Variants in SLC37A1 observed in about 807,000 individuals in gnomAD.
The protein encoded by SLC37A1 is glucose-6-phosphate exchanger SLC37A1.
SLC37A1 carries 49 observed loss-of-function variants against 75.3 expected under a neutral mutation model. That is an observed-to-expected ratio of 0.65 (90% CI 0.52 to 0.83). The LOEUF (loss-of-function observed/expected upper bound fraction) is 0.83. Among genes scored for constraint, SLC37A1 ranks in the 40% least tolerant of loss-of-function variants. The probability of loss-of-function intolerance (pLI) is 0.00; values close to 1 mark genes in which losing one functional copy is unlikely to be tolerated. For missense variants in SLC37A1, 566 were observed against 695.0 expected (o/e 0.81, Z 2.09); for synonymous variants, 268 against 292.1 (o/e 0.92, Z 0.84).
At position 42,547,081 on chromosome 21, in the gene SLC37A1, TCA is replaced by T; in HGVS notation, c.731-20_731-19del. On this transcript the variant is annotated intron_variant, in intron 8 of 19. Coordinates refer to ENST00000352133, the MANE Select transcript of SLC37A1 (RefSeq NM_001320537.2). This position sits in a 1 kb window ranked among gnomAD's most constrained non-coding sequence, Gnocchi z 6.1. ...GCCATGGTGGTGGACCTGCTCAGCC[TCA>T]CTCATGTTTGCTCTTTCAGATCCGA... The T allele has an allele frequency of 6.2e-7, 1 of 1,614,186 alleles. No homozygotes were observed. The highest frequency in any genetic ancestry group is 8.5e-7 in the Non-Finnish European group (1 of 1,180,004).
At chr21:42,532,185 C>T (rs368693101) in intron 3 of SLC37A1, among the ~76,000 whole-genome samples, 1 of 152,098 alleles carries the variant, frequency 6.6e-6, no homozygotes, top group South Asian at 2.1e-4. Flanking sequence ...ATGTGAGACC[C>T]CCACTCATTA....
intron 5 of SLC37A1, 37 bp from the exon 6 acceptor site, chr21:42,539,475 T>C (rs770962409): frequency 1.3e-6 from 2 of 1,586,722 alleles, no homozygotes; most frequent in South Asian, 2.3e-5. Flanking sequence ...CGGGCGTGTT[T>C]GTTATTCCTA....
chr21:42,529,750 G>T (rs2054897274), intron 3 of SLC37A1, among the ~76,000 whole-genome samples: 1 of 152,182 alleles, frequency 6.6e-6, no homozygotes, highest in South Asian at 2.1e-4. Flanking sequence ...AATGGTGTTC[G>T]AGTCTGCCGG....
chr21:42,569,492 C>T (rs1417887509), intron 17 of SLC37A1, among the ~76,000 whole-genome samples: 1 of 11,826 alleles, frequency 8.5e-5, no homozygotes, highest in Non-Finnish European at 2.1e-4. Context: ...GACCTCGTGC[C>T]GCACTCCCTC....
rs1398187232 is a variant in SLC37A1 at position 42,552,668 on chromosome 21, C to A, written c.769-1394C>A. 1.3e-5 allele frequency among the ~76,000 whole-genome samples: 2 copies of A among 152,242 alleles called. No homozygotes were observed. Among genetic ancestry groups the A allele is most frequent in the African/African-American group, 4.8e-5 (2 of 41,454 alleles). ...GGAGGGAAAGGACATTAGGGACAGG[C>A]CCCTTCCCTTTCAGGAGACTTCCTA... On this transcript the variant is annotated intron_variant, in intron 9 of 19. Coordinates refer to ENST00000352133, the MANE Select transcript of SLC37A1 (RefSeq NM_001320537.2). The surrounding 1 kb of genome is among the most constrained non-coding windows in gnomAD (Gnocchi z 4.2).
intron 10 of SLC37A1, 26 bp downstream of exon 10, chr21:42,554,168 C>A: frequency 1.2e-6 from 2 of 1,606,436 alleles, no homozygotes; most frequent in Non-Finnish European, 1.7e-6. Flanking sequence ...CTTCCACTTC[C>A]TAGAATGTCG....
chr21:42,510,912 C>T (rs542296581), upstream of SLC37A1, among the ~76,000 whole-genome samples: 1 of 152,186 alleles, frequency 6.6e-6, no homozygotes, highest in Non-Finnish European at 1.5e-5. Flanking sequence ...TACTTCAGTA[C>T]CCCATTTTCA....
chr21:42,528,266 A>G (rs997599007), intron 3 of SLC37A1, among the ~76,000 whole-genome samples: 2 of 152,110 alleles, frequency 1.3e-5, no homozygotes, highest in Non-Finnish European at 2.9e-5. Flanking sequence ...TATAAGTGCA[A>G]CCCTGTCCCT....
At chr21:42,521,724 C>T (rs541112729) in intron 2 of SLC37A1, among the ~76,000 whole-genome samples, 1 of 152,292 alleles carries the variant, frequency 6.6e-6, no homozygotes, top group African/African-American at 2.4e-5. Context: ...GTAGTCATAA[C>T]TGCAAAAAGT....
In SLC37A1 at chr21:42,567,005, G is replaced by GC; in HGVS notation, c.1294dup (p.Leu432ProfsTer21). The GC allele has an allele frequency of 6.2e-7, 1 of 1,608,322 alleles. No homozygotes were observed. The highest frequency in any genetic ancestry group is 8.5e-7 in the Non-Finnish European group (1 of 1,179,914). On this transcript the variant is annotated frameshift_variant, in exon 16 of 20. Coordinates refer to ENST00000352133, the MANE Select transcript of SLC37A1 (RefSeq NM_001320537.2). LOFTEE classifies it high-confidence loss of function. ...CACAGCCATGCTGCTGCTCAGCGGA[G>GC]CCCTGGTCAGTGGGCCCTACACACT...
chr21:42,570,915 C>G (rs111941720), intron 17 of SLC37A1, among the ~76,000 whole-genome samples: 13,342 of 152,228 alleles, frequency 0.088, 813 homozygotes, highest in Non-Finnish European at 0.13. Context: ...CGGACCCCCT[C>G]TGGCCTTCTG....
At chr21:42,557,191 T>C (rs186818275) in intron 10 of SLC37A1, among the ~76,000 whole-genome samples, 1 of 152,340 alleles carries the variant, frequency 6.6e-6, no homozygotes, top group African/African-American at 2.4e-5. Context: ...TGGCTGCATT[T>C]CACCCACTGC....
In SLC37A1 at chr21:42,518,332, C is replaced by G. The variant is rs1022206806; in HGVS notation, c.-123C>G. 1 of 1,268,362 alleles carries G rather than the reference C, an allele frequency of 7.9e-7. No individual in the cohort carries two copies. The highest frequency in any genetic ancestry group is 1.1e-6 in the Non-Finnish European group (1 of 876,678). The allele number at this position is 1,268,362 out of a possible 1,614,324, so 78.6% of individuals were successfully genotyped here. ...CAAGACCCAGCAGGACACCTTCTTT[C>G]CACGCTTTCCAGCCTGTGGGAGCGG... is the stretch of plus-strand genomic sequence containing the variant. On this transcript the variant is annotated 5_prime_UTR_variant, in exon 2 of 20. Coordinates refer to ENST00000352133, the MANE Select transcript of SLC37A1 (RefSeq NM_001320537.2).
chr21:42,557,792 T>C (rs939171057), intron 10 of SLC37A1, among the ~76,000 whole-genome samples: 5 of 150,938 alleles, frequency 3.3e-5, no homozygotes, highest in Non-Finnish European at 7.4e-5. Flanking sequence ...TTCTTTTTTT[T>C]TTTTAATTAA....
intron 12 of SLC37A1, among the ~76,000 whole-genome samples, chr21:42,563,324 G>A (rs566591345): frequency 6.6e-6 from 1 of 152,320 alleles, no homozygotes; most frequent in Non-Finnish European, 1.5e-5. Flanking sequence ...GAACGGCTGG[G>A]TTTGACCCAC....
chr21:42,531,471 T>G (rs1444004605), intron 3 of SLC37A1, among the ~76,000 whole-genome samples: 2 of 152,246 alleles, frequency 1.3e-5, no homozygotes, highest in Non-Finnish European at 2.9e-5. Context: ...CCTGATCAGT[T>G]TTTAATATCT....
Position 42,547,243 on chromosome 21 carries a change from TA to T in SLC37A1, c.768+104del, listed in dbSNP as rs1237312376. On this transcript the variant is annotated intron_variant, in intron 9 of 19. Coordinates refer to ENST00000352133, the MANE Select transcript of SLC37A1 (RefSeq NM_001320537.2). The surrounding 1 kb of genome is among the most constrained non-coding windows in gnomAD (Gnocchi z 6.1). Reference sequence around the variant, plus strand: ...CGGTGTCAGACAGAAACACACAGGGTAGACAGAAGTCCCACCCTCAAAACAT... The same window carrying T: ...CGGTGTCAGACAGAAACACACAGGGTGACAGAAGTCCCACCCTCAAAACAT... The T allele has an allele frequency of 2.7e-5, 34 of 1,255,882 alleles. No individual in the cohort carries two copies. The highest frequency in any genetic ancestry group is 3.6e-5 in the Admixed American group (2 of 56,220). The allele number at this position is 1,255,882 out of a possible 1,614,324, so 77.8% of individuals were successfully genotyped here. A position where few individuals can be genotyped will look rare whatever the true frequency, so the allele number is the denominator to read the frequency against.
At chr21:42,532,973 TG>T (rs1394099541) in intron 3 of SLC37A1, among the ~76,000 whole-genome samples, 2 of 152,214 alleles carry the variant, frequency 1.3e-5, no homozygotes, top group Non-Finnish European at 2.9e-5. Flanking sequence ...GCATCACGTG[TG>T]ACATGCCGGG....
intron 2 of SLC37A1, among the ~76,000 whole-genome samples, chr21:42,504,815 ACTT>A (rs1357787018): frequency 2.0e-5 from 3 of 151,958 alleles, no homozygotes; most frequent in Non-Finnish European, 4.4e-5. Context: ...GCAAAACTGA[ACTT>A]CTTCTCTCCG....
Sources: gnomAD v4.1 joint callset for allele counts (sites outside exome capture counted in the v4.1 genomes callset) on GRCh38, gnomAD v4.1.1 for gene constraint, Gnocchi (gnomAD v3.1) non-coding constraint, MANE v1.5 for transcripts, NCBI Gene and HGNC (gene_info 2026-07-23, HGNC 2026-07-21) for gene names.